LRCH1: variants seen among roughly 807,000 people sequenced by gnomAD.
The protein encoded by LRCH1 is leucine rich repeats and calponin homology domain containing 1.
LRCH1 carries 23 observed loss-of-function variants against 94.9 expected under a neutral mutation model. The observed-to-expected ratio is 0.24, with a 90% CI of 0.17 to 0.34. The LOEUF is 0.34. Among genes scored for constraint, LRCH1 ranks in the 10% least tolerant of loss-of-function variants. The pLI is 1.00. For missense variants in LRCH1, 790 were observed against 945.9 expected (o/e 0.84, Z 2.16); for synonymous variants, 364 against 354.9 (o/e 1.03, Z -0.29).
At chr13:46,723,643 T>C (rs1872686998) in intron 17 of LRCH1, among the ~76,000 whole-genome samples, 1 of 152,074 alleles carries the variant, frequency 6.6e-6, no homozygotes, top group South Asian at 2.1e-4. Flanking sequence ...CTACTAAAAA[T>C]ACAAAAATTA....
chr13:46,747,180 C>T (rs1230500363), downstream of LRCH1, among the ~76,000 whole-genome samples: 1 of 152,074 alleles, frequency 6.6e-6, no homozygotes, highest in Non-Finnish European at 1.5e-5. Flanking sequence ...GGGAGGATCT[C>T]GGACTCTGCA....
intron 1 of LRCH1, among the ~76,000 whole-genome samples, chr13:46,569,468 G>T (rs554063197): frequency 6.6e-6 from 1 of 152,172 alleles, no homozygotes; most frequent in Non-Finnish European, 1.5e-5. Context: ...GTAGAGAACT[G>T]CCCTTTGCTG....
At chr13:46,734,352 C>T (rs2138238709) in intron 19 of LRCH1, among the ~76,000 whole-genome samples, 1 of 152,200 alleles carries the variant, frequency 6.6e-6, no homozygotes, top group Admixed American at 6.5e-5. Context: ...AATTTTGGAG[C>T]TGATGGTTTT....
chr13:46,671,976 C>T (rs1002625938), intron 3 of LRCH1, among the ~76,000 whole-genome samples: 4 of 152,196 alleles, frequency 2.6e-5, no homozygotes, highest in Admixed American at 1.3e-4. Flanking sequence ...TGGTGTTGTA[C>T]ATTCTATCGG....
chr13:46,679,469 A>T (rs1329010266), intron 3 of LRCH1, among the ~76,000 whole-genome samples: 1 of 152,222 alleles, frequency 6.6e-6, no homozygotes, highest in East Asian at 1.9e-4. Context: ...AAGGCAGGGC[A>T]ATTTACTGAC....
chr13:46,630,810 G>A (rs1441285313), intron 1 of LRCH1, among the ~76,000 whole-genome samples: 1 of 152,204 alleles, frequency 6.6e-6, no homozygotes, highest in Non-Finnish European at 1.5e-5. Context: ...ATGAAAGACA[G>A]TAAAATAAAC....
intron 1 of LRCH1, among the ~76,000 whole-genome samples, chr13:46,601,645 A>G (rs1038149798): frequency 2.2e-4 from 33 of 152,204 alleles, no homozygotes; most frequent in African/African-American, 8.0e-4. Flanking sequence ...CCCTAAATGA[A>G]TTAGGTTAAT....
At chr13:46,554,284 T>C (rs1168849915) in intron 1 of LRCH1, among the ~76,000 whole-genome samples, 4 of 152,240 alleles carry the variant, frequency 2.6e-5, no homozygotes, top group Admixed American at 2.6e-4. Flanking sequence ...GGCAACTCGG[T>C]GCCGCCTGTG....
chr13:46,660,404 G>A (rs1441352724), intron 2 of LRCH1, among the ~76,000 whole-genome samples: 3 of 151,128 alleles, frequency 2.0e-5, no homozygotes, highest in Non-Finnish European at 2.9e-5. Flanking sequence ...ATGATCGGCC[G>A]TCTCAAAAAA....
chr13:46,636,975 C>T (rs1378621754), intron 1 of LRCH1, among the ~76,000 whole-genome samples: 1 of 152,164 alleles, frequency 6.6e-6, no homozygotes, highest in Non-Finnish European at 1.5e-5. Flanking sequence ...TGTCCCGAGG[C>T]CCAGCTGTGA....
At chr13:46,638,298 C>A (rs950932258) in intron 1 of LRCH1, among the ~76,000 whole-genome samples, 2 of 152,102 alleles carry the variant, frequency 1.3e-5, no homozygotes, top group African/African-American at 2.4e-5. Context: ...ACTGGCAATA[C>A]CTTTGAGGGT....
At chr13:46,576,177 A>G (rs2050302370) in intron 1 of LRCH1, among the ~76,000 whole-genome samples, 1 of 152,182 alleles carries the variant, frequency 6.6e-6, no homozygotes, top group Non-Finnish European at 1.5e-5. Context: ...CCTTTTGTTC[A>G]TGTAACTTAT....
chr13:46,626,474 G>A (rs899649258), intron 1 of LRCH1, among the ~76,000 whole-genome samples: 6 of 152,150 alleles, frequency 3.9e-5, no homozygotes, highest in African/African-American at 1.4e-4. Flanking sequence ...CCTTAAGAAG[G>A]TACTTTGTAA....
exon 19 of LRCH1, chr13:46,750,828 G>T: frequency 2.1e-6 from 1 of 477,178 alleles, no homozygotes; most frequent in South Asian, 3.7e-5. Context: ...GCTGACCTCC[G>T]ACTTTAAGAC....
intron 1 of LRCH1, among the ~76,000 whole-genome samples, chr13:46,588,727 A>C (rs766383143): frequency 6.6e-6 from 1 of 150,500 alleles, no homozygotes; most frequent in African/African-American, 2.5e-5. Flanking sequence ...TAGCCTCCCG[A>C]GTAGCTGGGA....
intron 3 of LRCH1, among the ~76,000 whole-genome samples, chr13:46,673,335 A>T (rs574329845): frequency 2.5e-4 from 38 of 152,300 alleles, no homozygotes; most frequent in African/African-American, 8.4e-4. Flanking sequence ...GTTGGCAAAA[A>T]TTTAATAAGT....
At chr13:46,608,943 C>T (rs528830211) in intron 1 of LRCH1, among the ~76,000 whole-genome samples, 3 of 152,284 alleles carry the variant, frequency 2.0e-5, no homozygotes, top group East Asian at 3.9e-4. Context: ...GCTTGCTTTT[C>T]CCTCACTTGC....
At chr13:46,623,861 CT>C (rs370473268) in intron 1 of LRCH1, among the ~76,000 whole-genome samples, 2,443 of 122,010 alleles carry the variant, frequency 0.02, 47 homozygotes, top group Middle Eastern at 0.1. Flanking sequence ...TCCCTCCCCC[CT>C]CCCCATCTCT....
intron 1 of LRCH1, among the ~76,000 whole-genome samples, chr13:46,559,704 T>G (rs2050108903): frequency 6.6e-6 from 1 of 152,242 alleles, no homozygotes; most frequent in South Asian, 2.1e-4. Flanking sequence ...TTTTGGTCTG[T>G]GCCAGTTTAT....
Sources: allele counts gnomAD v4.1 joint callset (sites outside exome capture counted in the v4.1 genomes callset), GRCh38; gene constraint gnomAD v4.1.1; transcripts MANE v1.5; gene names NCBI Gene and HGNC (gene_info 2026-07-23, HGNC 2026-07-21).